The following SP140L variants were observed in gnomAD, a reference collection of about 807,000 sequenced individuals.
SP140L encodes nuclear body protein SP140-like protein.
SP140L carries 64 observed loss-of-function variants against 84.3 expected under a neutral mutation model. That is an observed-to-expected ratio of 0.76 (90% CI 0.62 to 0.94). SP140L has a LOEUF of 0.94. Ranked by LOEUF, SP140L falls within the 40% of genes least tolerant of loss-of-function variation. The pLI, the probability that SP140L is intolerant of heterozygous loss-of-function variation, is 0.00. For synonymous variants in SP140L, 242 were observed against 236.9 expected (o/e 1.02, Z -0.20); for missense variants, 628 against 692.5 (o/e 0.91, Z 1.05).
chr2:230,371,519 C>G, intron 6 of SP140L, 79 bp from the exon 7 acceptor site: 1 of 1,244,438 alleles, frequency 8.0e-7, no homozygotes, highest in Non-Finnish European at 1.1e-6. Flanking sequence ...CTCAAGCCTT[C>G]TATAGTATGA....
At chr2:230,370,183 GAGA>G in intron 5 of SP140L, among the ~76,000 whole-genome samples, 1 of 152,314 alleles carries the variant, frequency 6.6e-6, no homozygotes, top group South Asian at 2.1e-4. Flanking sequence ...TAAAGAAAAG[GAGA>G]AGGAGGTGCA....
intron 5 of SP140L, among the ~76,000 whole-genome samples, chr2:230,366,953 G>A (rs1290756153): frequency 2.6e-5 from 4 of 151,766 alleles, no homozygotes; most frequent in South Asian, 2.1e-4. Context: ...GGCTGGTCTC[G>A]AACTCCTGAG....
At chr2:230,337,543 G>C (rs1212978672) in intron 2 of SP140L, among the ~76,000 whole-genome samples, 1 of 151,720 alleles carries the variant, frequency 6.6e-6, no homozygotes, top group Admixed American at 6.6e-5. Context: ...CATTGCTTTT[G>C]GTGTTTTAGA....
At chr2:230,359,173 A>T (rs771530317) in intron 4 of SP140L, 41 bp downstream of exon 4, 26 of 1,563,806 alleles carry the variant, frequency 1.7e-5, no homozygotes, top group Non-Finnish European at 2.3e-5. Flanking sequence ...TCCGGGGCCA[A>T]TTTTTTTCAA....
intron 2 of SP140L, among the ~76,000 whole-genome samples, chr2:230,331,681 AT>A (rs1426588307): frequency 6.6e-6 from 1 of 152,160 alleles, no homozygotes; most frequent in Non-Finnish European, 1.5e-5. Context: ...TTGAGTCCTT[AT>A]TGGGTCACTT....
In SP140L at chr2:230,370,949, C is replaced by A. The variant is rs759400982; in HGVS notation, c.565C>A (p.Gln189Lys). 3.7e-6 allele frequency: 6 copies of A among 1,613,602 alleles called. No homozygotes were observed. In the Admixed American group the frequency reaches 1.0e-4, roughly 27 times the overall value. Residue 189 changes from glutamine (Q) to lysine (K), a missense_variant, in exon 6 of 19, where the codon CAA becomes AAA. Transcript: ENST00000415673. ...ESPEARKESD[Q>K]ACGKMDTVDI... is the part of the protein sequence containing the mutation. The stretch of plus-strand genomic sequence containing the variant: ...CCCGGAAGCAAGGAAGGAAAGTGAC[C>A]AAGCATGTGGCAAAATGGGTAAGGC...
At chr2:230,354,583 C>A (rs1239442694) in intron 2 of SP140L, among the ~76,000 whole-genome samples, 1 of 151,866 alleles carries the variant, frequency 6.6e-6, no homozygotes, top group Admixed American at 6.6e-5. Flanking sequence ...GCATAGGCCA[C>A]AAAGCAAGAC....
chr2:230,378,164 C>G (rs1559443511), intron 7 of SP140L, among the ~76,000 whole-genome samples: 2 of 151,996 alleles, frequency 1.3e-5, no homozygotes, highest in Non-Finnish European at 2.9e-5. Flanking sequence ...TTTTCTGTTC[C>G]ATTTATCTGT....
intron 8 of SP140L, among the ~76,000 whole-genome samples, chr2:230,384,903 C>T (rs2061523280): frequency 6.6e-6 from 1 of 152,126 alleles, no homozygotes; most frequent in Non-Finnish European, 1.5e-5. Context: ...CAGAGAAACA[C>T]TCTGTCTTTA....
rs2061680307 is a variant in SP140L, at chr2:230,388,559, G to A, written c.785G>A (p.Gly262Glu). Residue 262 changes from glycine (G) to glutamate (E), a missense_variant and splice_region_variant, in exon 10 of 19, where the codon GGG (glycine) becomes GAG (glutamate). This residue lies in a region of SP140L where 525 missense variants were observed against 518.4 expected (regional missense o/e 1.01). Transcript: ENST00000415673. ...MNLKDLSKIR[G>E]RKRGKPGTHF... ...TGATTTTATTATTCTACTTTCTCAG[G>A]GAGAAAGAGAGGCAAACCTGGAACC... The A allele has an allele frequency of 5.6e-6, 9 of 1,605,492 alleles. No homozygotes were observed. In the East Asian group the frequency reaches 2.0e-4, roughly 36 times the overall value.
At position 230,403,615 on chromosome 2, in the gene SP140L, T is replaced by G. The variant is rs2149840882; in HGVS notation, c.*719T>G. 6.6e-6 allele frequency: 1 copy of G among 152,376 alleles called. No individual in the cohort carries two copies. The highest frequency in any genetic ancestry group is 2.1e-4 in the South Asian group (1 of 4,832). The allele number at this position is 152,376 out of a possible 1,614,324, so 9.4% of individuals were successfully genotyped here. A position where few individuals can be genotyped will look rare whatever the true frequency, so the allele number is the denominator to read the frequency against. Reference sequence around the variant, plus strand: ...CCCTGCAGAACTCCCAAACTGCCGTTCTTTTCGATAGCTCACGATGGTGTA... The same window carrying G: ...CCCTGCAGAACTCCCAAACTGCCGTGCTTTTCGATAGCTCACGATGGTGTA... On this transcript the variant is annotated 3_prime_UTR_variant, in exon 19 of 19. Coordinates refer to ENST00000415673, the MANE Select transcript of SP140L (RefSeq NM_138402.6).
At chr2:230,365,211 G>A (rs916548363) in intron 5 of SP140L, among the ~76,000 whole-genome samples, 3 of 151,958 alleles carry the variant, frequency 2.0e-5, no homozygotes, top group Admixed American at 6.6e-5. Flanking sequence ...TTTTTTAGAC[G>A]AGTTTGAAAA....
intron 9 of SP140L, 47 bp from the exon 10 acceptor site, chr2:230,388,509 TAAC>T (rs766087365): frequency 3.8e-4 from 571 of 1,497,686 alleles, no homozygotes; most frequent in Non-Finnish European, 4.8e-4. Context: ...GCAATATATG[TAAC>T]ACAGCTGCTC....
chr2:230,376,077 G>C (rs991098011), intron 7 of SP140L, among the ~76,000 whole-genome samples: 13 of 152,086 alleles, frequency 8.5e-5, no homozygotes, highest in African/African-American at 3.1e-4. Context: ...GGAGTTAATT[G>C]TTGTATATGA....
intron 2 of SP140L, among the ~76,000 whole-genome samples, chr2:230,347,288 G>T (rs544986869): frequency 6.6e-5 from 10 of 152,294 alleles, no homozygotes; most frequent in African/African-American, 1.7e-4. Context: ...CACAGGTTAG[G>T]CTCTGTGATT....
At chr2:230,338,909 T>G (rs202153408) in intron 2 of SP140L, among the ~76,000 whole-genome samples, 2 of 142,150 alleles carry the variant, frequency 1.4e-5, no homozygotes, top group Non-Finnish European at 1.5e-5. Context: ...AGTATTTTAT[T>G]GAGGATTTTT....
chr2:230,384,165 T>C (rs949510797), intron 8 of SP140L, among the ~76,000 whole-genome samples: 1 of 152,144 alleles, frequency 6.6e-6, no homozygotes, highest in African/African-American at 2.4e-5. Flanking sequence ...TTTAAGTATA[T>C]GTGTTGTATT....
At chr2:230,391,923 T>C (rs1394692699) in intron 11 of SP140L, 164 bp from the exon 12 acceptor site, 1 of 894,964 alleles carries the variant, frequency 1.1e-6, no homozygotes, top group African/African-American at 1.7e-5. Flanking sequence ...GAGGGGACTT[T>C]CAGGCTGGAT....
At position 230,403,142 on chromosome 2, in the gene SP140L, A is replaced by G. The variant is rs1284438415; in HGVS notation, c.*246A>G. On this transcript the variant is annotated 3_prime_UTR_variant, in exon 19 of 19. Transcript: ENST00000415673. Reference sequence around the variant, plus strand: ...GATTGGAGGTGATACCAGCACAGACAGACTCTCACCTCTTCTCCTGAGGTC... The same window carrying G: ...GATTGGAGGTGATACCAGCACAGACGGACTCTCACCTCTTCTCCTGAGGTC... 1 of 433,242 alleles carries G rather than the reference A, an allele frequency of 2.3e-6. No individual in the cohort carries two copies. The highest frequency in any genetic ancestry group is 2.1e-5 in the African/African-American group (1 of 48,266). 26.8% of individuals were successfully genotyped at this position (433,242 alleles called of 1,614,324 possible). A position where few individuals can be genotyped will look rare whatever the true frequency, so the allele number is the denominator to read the frequency against.
Sources: allele counts gnomAD v4.1 joint callset (sites outside exome capture counted in the v4.1 genomes callset), GRCh38; gene constraint gnomAD v4.1.1; regional missense constraint gnomAD v4.1.1; transcripts MANE v1.5; gene names NCBI Gene and HGNC (gene_info 2026-07-23, HGNC 2026-07-21).